CETP: variants seen among roughly 807,000 people sequenced by gnomAD.
The protein encoded by CETP is BPI fold containing family F.
In CETP, 56 loss-of-function variants were observed where a neutral mutation model predicts 66.5. That is an observed-to-expected ratio of 0.84 (90% CI 0.68 to 1.05). CETP has a LOEUF of 1.05. Ranked by LOEUF, CETP falls within the 50% of genes least tolerant of loss-of-function variation. The pLI is 0.00. For missense variants in CETP, 612 were observed against 609.6 expected (o/e 1.00, Z -0.04); for synonymous variants, 251 against 245.7 (o/e 1.02, Z -0.20).
chr16:56,981,508 C>T (rs981629908), intron 12 of CETP, 139 bp from the exon 13 acceptor site: 79 of 1,084,254 alleles, frequency 7.3e-5, no homozygotes, highest in Admixed American at 2.7e-4. Context: ...AAGGGAATAG[C>T]AAATCTCAAG....
intron 9 of CETP, among the ~76,000 whole-genome samples, chr16:56,974,418 C>T (rs1487163175): frequency 6.6e-6 from 1 of 152,150 alleles, no homozygotes; most frequent in Non-Finnish European, 1.5e-5. Flanking sequence ...CACTGCACTC[C>T]AGTGTGGGTG....
At position 56,978,114 on chromosome 16, in the gene CETP, G is replaced by T. The variant is rs1336457774; in HGVS notation, c.1005G>T (p.Gln335His). 6.2e-7 allele frequency: 1 copy of T among 1,614,140 alleles called. No homozygotes were observed. The highest frequency in any genetic ancestry group is 8.5e-7 in the Non-Finnish European group (1 of 1,180,058). The change falls in exon 11 of 16, where the codon CAG (glutamine) becomes CAT (histidine). Residue 335 changes from glutamine (Q) to histidine (H), a missense_variant. Gln to His is a conservative substitution (Grantham distance 24). Coordinates refer to ENST00000200676, the MANE Select transcript of CETP (RefSeq NM_000078.3). ...FQEVVGGFPSQAQVTVHCLKM... is the reference protein window; with the variant it reads ...FQEVVGGFPSHAQVTVHCLKM... ...AGGTTGTCGGCGGCTTCCCCAGCCA[G>T]GCCCAAGTCACCGTCCACTGCCTCA...
In CETP at chr16:56,978,202, T is replaced by A. The variant is rs2056163819; in HGVS notation, c.1093T>A (p.Phe365Ile). 6.2e-7 allele frequency: 1 copy of A among 1,614,208 alleles called. No individual in the cohort carries two copies. The highest frequency in any genetic ancestry group is 8.5e-7 in the Non-Finnish European group (1 of 1,180,042). The change falls in exon 11 of 16, where the codon TTC becomes ATC. Residue 365 changes from phenylalanine (F) to isoleucine (I), a missense_variant. Transcript: ENST00000200676. ...VVVNSSVMVK[F>I]LFPRPDQQHS... ...GGTCAATTCTTCAGTGATGGTGAAATTCCTCTTTCCACGCCCAGACCAGCA... is the reference window on the plus strand; with the variant it reads ...GGTCAATTCTTCAGTGATGGTGAAAATCCTCTTTCCACGCCCAGACCAGCA...
chr16:56,969,452 T>A lies in CETP; in HGVS notation c.300T>A (p.Asp100Glu). The change falls in exon 3 of 16, where the codon GAT (aspartate) becomes GAA (glutamate). Residue 100 changes from aspartate to glutamate, a missense_variant. Asp to Glu is a conservative substitution (Grantham distance 45). Transcript: ENST00000200676. ...AGCTGGTGGAAGCCAAGTCCATTGA[T>A]GTCTCCATTCAGAACGTGTCTGTGG... ...QVELVEAKSI[D>E]VSIQNVSVVF... The A allele has an allele frequency of 6.2e-7, 1 of 1,614,210 alleles. No homozygotes were observed.
At chr16:56,981,817 T>G in intron 13 of CETP, 137 bp downstream of exon 13, 1 of 841,754 alleles carries the variant, frequency 1.2e-6, no homozygotes. Context: ...GCTGTGTCTC[T>G]TGTGACCCTT....
At chr16:56,968,807 AC>A (rs2056086765) in intron 2 of CETP, among the ~76,000 whole-genome samples, 1 of 146,754 alleles carries the variant, frequency 6.8e-6, no homozygotes, top group African/African-American at 2.5e-5. Context: ...TATTGTTTTC[AC>A]CGATTGTTGT....
chr16:56,981,305 GT>G (rs1327736444), intron 12 of CETP, 80 bp downstream of exon 12: 5 of 1,165,046 alleles, frequency 4.3e-6, no homozygotes, highest in African/African-American at 1.5e-5. Context: ...ACAGGGCGGG[GT>G]GTTGGTGGGG....
chr16:56,964,363 T>TA (rs1268682810), intron 2 of CETP, among the ~76,000 whole-genome samples: 2 of 152,164 alleles, frequency 1.3e-5, no homozygotes, highest in East Asian at 3.9e-4. Flanking sequence ...GCCTCTTCTG[T>TA]AAAAGAGGAT....
At chr16:56,981,452 A>C (rs2056187154) in intron 12 of CETP, among the ~76,000 whole-genome samples, 195 bp from the exon 13 acceptor site, 2 of 152,190 alleles carry the variant, frequency 1.3e-5, no homozygotes, top group South Asian at 4.1e-4. Flanking sequence ...TGGCAGGAGG[A>C]GAGCGCTGCC....
At chr16:56,980,083 A>G (rs1355647640) in intron 11 of CETP, among the ~76,000 whole-genome samples, 2 of 152,304 alleles carry the variant, frequency 1.3e-5, no homozygotes, top group East Asian at 3.9e-4. Context: ...TTACATAACC[A>G]TGCTACAGTG....
chr16:56,981,743 C>T lies in CETP; in HGVS notation c.1248+63C>T. 1.9e-6 allele frequency: 3 copies of T among 1,543,066 alleles called. No individual in the cohort carries two copies. The South Asian group carries it at 3.4e-5, about 17-fold the overall frequency. On this transcript the variant is annotated intron_variant, in intron 13 of 15. Coordinates refer to ENST00000200676, the MANE Select transcript of CETP (RefSeq NM_000078.3). ...GTGGGACCTCCTGCCTTAAAGAAAG[C>T]AGGCGGAGGGCCCTAAAGGAAATCA...
intron 11 of CETP, 74 bp downstream of exon 11, chr16:56,978,329 G>C: frequency 6.3e-7 from 1 of 1,587,734 alleles, no homozygotes; most frequent in Non-Finnish European, 8.6e-7. Context: ...CAGGGGCCTG[G>C]GGGTCTCTGA....
chr16:56,972,100 G>A lies in CETP; in HGVS notation c.750+17G>A, dbSNP rs778769916. The A allele has an allele frequency of 2.1e-5, 33 of 1,599,362 alleles. 1 individual carries two copies. The South Asian group carries it at 3.5e-4, about 17-fold the overall frequency. On this transcript the variant is annotated intron_variant, in intron 8 of 15. Transcript: ENST00000200676. ...CATCACAAGGTAGGAGTTGTGGGAG[G>A]GTGGGGCAGGGCCCAGCTTCCCCAG...
At chr16:56,982,931 T>C (rs2056199254) in intron 14 of CETP, among the ~76,000 whole-genome samples, 1 of 152,170 alleles carries the variant, frequency 6.6e-6, no homozygotes, top group Non-Finnish European at 1.5e-5. Flanking sequence ...AACTAGGGGA[T>C]GTGGATTAAA....
intron 2 of CETP, among the ~76,000 whole-genome samples, chr16:56,966,919 G>A (rs1366881313): frequency 1.3e-5 from 2 of 151,904 alleles, no homozygotes; most frequent in Non-Finnish European, 2.9e-5. Flanking sequence ...GGCCCAGTCT[G>A]ACTGTTTTCA....
chr16:56,970,878 C>T (rs1272363969), intron 5 of CETP, among the ~76,000 whole-genome samples, 155 bp from the exon 6 acceptor site: 2 of 152,182 alleles, frequency 1.3e-5, no homozygotes, highest in Admixed American at 6.5e-5. Context: ...TCTGAGGCTC[C>T]GTGTTCTCAG....
Position 56,978,245 on chromosome 16 carries a change from C to T in CETP, c.1136C>T (p.Thr379Ile). Residue 379 changes from threonine (T) to isoleucine (I), a missense_variant, in exon 11 of 16, where the codon ACA (threonine) becomes ATA (isoleucine). Thr to Ile is a moderately conservative substitution (Grantham distance 89). Coordinates refer to ENST00000200676, the MANE Select transcript of CETP (RefSeq NM_000078.3). ...RPDQQHSVAY[T>I]FEEDIVTTVQ... ...GACCAGCAACATTCTGTAGCTTACACATTTGAAGAGGTGAGGCGGGTGCAG... is the reference window on the plus strand; with the variant it reads ...GACCAGCAACATTCTGTAGCTTACATATTTGAAGAGGTGAGGCGGGTGCAG... 1 of 1,614,158 alleles carries T rather than the reference C, an allele frequency of 6.2e-7. No homozygotes were observed. Among genetic ancestry groups the T allele is most frequent in the Non-Finnish European group, 8.5e-7 (1 of 1,180,020 alleles).
At position 56,975,106 on chromosome 16, in the gene CETP, G is replaced by A; in HGVS notation, c.936G>A (p.Val312=). ...LSLMGDEFKA[V]LETWGFNTNQ... ...ACTTCCTCATTTCTTTTCAGGCAGT[G>A]CTGGAGACCTGGGGCTTCAACACCA... Residue 312 remains valine, a synonymous_variant, in exon 10 of 16, where the codon GTG becomes GTA. Coordinates refer to ENST00000200676, the MANE Select transcript of CETP (RefSeq NM_000078.3). 1 of 1,614,102 alleles carries A rather than the reference G, an allele frequency of 6.2e-7. No individual in the cohort carries two copies.
Position 56,971,043 on chromosome 16 carries a change from A to T in CETP, c.538A>T (p.Ile180Phe), listed in dbSNP as rs757640381. The change falls in exon 6 of 16, where the codon ATC becomes TTC. Residue 180 changes from isoleucine to phenylalanine, a missense_variant. Coordinates refer to ENST00000200676, the MANE Select transcript of CETP (RefSeq NM_000078.3). ...GCTTGCTGCCTTCAGGCCTGGGTGG[A>T]TCAAGCAGCTGTTCACAAATTTCAT... is the stretch of plus-strand genomic sequence containing the variant. ...HLQGEREPGW[I>F]KQLFTNFISF... The T allele has an allele frequency of 8.7e-6, 14 of 1,614,002 alleles. No individual in the cohort carries two copies. Among genetic ancestry groups the T allele is most frequent in the Admixed American group, 5.0e-5 (3 of 59,998 alleles).
Sources: allele counts gnomAD v4.1 joint callset (sites outside exome capture counted in the v4.1 genomes callset), GRCh38; gene constraint gnomAD v4.1.1; transcripts MANE v1.5; gene names NCBI Gene and HGNC (gene_info 2026-07-23, HGNC 2026-07-21).